NBAS: variants seen among roughly 807,000 people sequenced by gnomAD.
NBAS encodes the protein NBAS subunit of NRZ tethering complex.
NBAS carries 219 observed loss-of-function variants against 302.5 expected under a neutral mutation model. The ratio of observed to expected loss-of-function variants is 0.72; its 90% CI spans 0.65 to 0.81. NBAS has a LOEUF of 0.81. Ranked by LOEUF, NBAS falls within the 30% of genes least tolerant of loss-of-function variation. The pLI is 0.00. For synonymous variants in NBAS, 1,118 were observed against 1,021.6 expected, an observed-to-expected ratio of 1.09 and a Z score of -1.80; for missense variants, 2,932 against 2,841.6, an observed-to-expected ratio of 1.03 and a Z score of -0.72.
intron 21 of NBAS, among the ~76,000 whole-genome samples, chr2:15,459,366 A>G (rs1238448258): frequency 6.6e-6 from 1 of 152,240 alleles, no homozygotes; most frequent in African/African-American, 2.4e-5. Context: ...TATTCTGCAA[A>G]GAGATAGAGA....
At chr2:15,004,319 T>A in the NBAS span, among the ~76,000 whole-genome samples, 3 of 152,246 alleles carry the variant, frequency 2.0e-5, no homozygotes, top group Admixed American at 6.5e-5. Flanking sequence ...GGGAAATTTT[T>A]AAAAATAGCA....
rs1381630401 is a variant in NBAS, at chr2:15,330,632, C to T, written c.4313G>A (p.Trp1438Ter). 1.2e-6 allele frequency: 2 copies of T among 1,613,972 alleles called. No homozygotes were observed. The highest frequency in any genetic ancestry group is 8.5e-7 in the Non-Finnish European group (1 of 1,179,918). Residue 1438 changes from tryptophan to a stop codon, truncating the protein, a stop_gained, in exon 36 of 52, where the codon TGG becomes TAG. Transcript: ENST00000281513. LOFTEE classifies it high-confidence loss of function. ...VLQAVSDGQW[W>*]KKSLTYLRPL... ...TCGAAGGTAAGTTAAAGACTTCTTC[C>T]ACCACTGCCCATCACTGACGGCCTG...
the NBAS span, among the ~76,000 whole-genome samples, chr2:14,841,756 C>T: frequency 2.0e-4 from 30 of 151,822 alleles, no homozygotes; most frequent in African/African-American, 7.0e-4. Context: ...GACTTCAACA[C>T]CCCATTTTCA....
At chr2:14,976,503 C>T in the NBAS span, among the ~76,000 whole-genome samples, 1 of 152,144 alleles carries the variant, frequency 6.6e-6, no homozygotes, top group Non-Finnish European at 1.5e-5. Flanking sequence ...ATTGAGATCC[C>T]AGAATGTTTA....
At chr2:15,082,948 G>T in the NBAS span, among the ~76,000 whole-genome samples, 1 of 152,188 alleles carries the variant, frequency 6.6e-6, no homozygotes, top group Non-Finnish European at 1.5e-5. Flanking sequence ...TGGGACACTG[G>T]ATATAACTGA....
intron 9 of NBAS, among the ~76,000 whole-genome samples, chr2:15,512,071 A>G (rs1278922058): frequency 6.6e-6 from 1 of 152,216 alleles, no homozygotes; most frequent in Admixed American, 6.5e-5. Context: ...CTGTCTAAAG[A>G]AAGAAAAAAA....
chr2:15,525,920 TAA>T (rs1662893156), intron 9 of NBAS, among the ~76,000 whole-genome samples: 1 of 152,082 alleles, frequency 6.6e-6, no homozygotes, highest in Non-Finnish European at 1.5e-5. Context: ...CCTAACTCAT[TAA>T]GTGTTAATTT....
the NBAS span, among the ~76,000 whole-genome samples, chr2:14,994,824 C>T: frequency 4.6e-5 from 7 of 152,300 alleles, no homozygotes; most frequent in East Asian, 1.4e-3. Context: ...CTCCTTCAGT[C>T]AGAAAAGCCT....
chr2:15,133,351 A>T, the NBAS span, among the ~76,000 whole-genome samples: 1 of 152,184 alleles, frequency 6.6e-6, no homozygotes, highest in Non-Finnish European at 1.5e-5. Flanking sequence ...AAATGAAGAA[A>T]GGCTTCCTGC....
At chr2:15,236,053 T>C (rs768486927) in intron 45 of NBAS, among the ~76,000 whole-genome samples, 20 of 152,148 alleles carry the variant, frequency 1.3e-4, no homozygotes, top group Non-Finnish European at 5.9e-5. Context: ...GGTTGAAGGT[T>C]ATTTCCAGCT....
intron 1 of NBAS, among the ~76,000 whole-genome samples, 180 bp downstream of exon 1, chr2:15,561,007 AC>A (rs1193293443): frequency 6.7e-6 from 1 of 149,612 alleles, no homozygotes; most frequent in African/African-American, 2.5e-5. Context: ...AGGGACCACC[AC>A]CCCACCCCGC....
the NBAS span, among the ~76,000 whole-genome samples, chr2:14,999,846 T>C: frequency 6.6e-6 from 1 of 152,226 alleles, no homozygotes. Context: ...TTACCGCCTA[T>C]GTGCTCCACA....
the NBAS span, among the ~76,000 whole-genome samples, chr2:15,131,510 T>C: frequency 6.6e-6 from 1 of 152,306 alleles, no homozygotes; most frequent in Non-Finnish European, 1.5e-5. Context: ...GAAGTTCAAA[T>C]AGGAGGTATA....
the NBAS span, among the ~76,000 whole-genome samples, chr2:14,901,214 G>T: frequency 1.3e-5 from 2 of 152,208 alleles, no homozygotes; most frequent in African/African-American, 4.8e-5. Flanking sequence ...ACTTCACATG[G>T]ATTAGTTAGT....
At chr2:15,063,084 T>C in the NBAS span, among the ~76,000 whole-genome samples, 1 of 152,210 alleles carries the variant, frequency 6.6e-6, no homozygotes, top group African/African-American at 2.4e-5. Context: ...CCATTGTCAA[T>C]CCTTGACTCT....
At chr2:15,353,408 T>A (rs992051711) in intron 34 of NBAS, 145 bp downstream of exon 34, 5 of 1,004,600 alleles carry the variant, frequency 5.0e-6, no homozygotes, top group Non-Finnish European at 7.7e-6. Context: ...TATTTTCATG[T>A]CCCTTTTCCA....
chr2:15,368,248 G>A (rs1221039618), intron 31 of NBAS, among the ~76,000 whole-genome samples: 1 of 133,420 alleles, frequency 7.5e-6, no homozygotes, highest in Non-Finnish European at 1.5e-5. Flanking sequence ...TGCCCAGGCT[G>A]GAGTGCAGTG....
intron 2 of NBAS, among the ~76,000 whole-genome samples, chr2:15,557,997 TCA>T (rs1465638173): frequency 7.2e-5 from 11 of 152,220 alleles, no homozygotes; most frequent in African/African-American, 2.4e-4. Flanking sequence ...AAATAGTCTC[TCA>T]GTGTATTTTC....
chr2:15,013,991 C>T, the NBAS span, among the ~76,000 whole-genome samples: 26 of 151,880 alleles, frequency 1.7e-4, no homozygotes, highest in African/African-American at 5.8e-4. Flanking sequence ...CAAAAGCAAA[C>T]AAAAGTAGCT....
Sources: allele counts gnomAD v4.1 joint callset (sites outside exome capture counted in the v4.1 genomes callset), GRCh38; gene constraint gnomAD v4.1.1; transcripts MANE v1.5; gene names NCBI Gene and HGNC (gene_info 2026-07-23, HGNC 2026-07-21).